Variants in PRKCA observed in about 807,000 individuals in gnomAD.
The protein encoded by PRKCA is protein kinase C alpha.
A neutral mutation model predicts 87.0 loss-of-function variants in PRKCA; 27 were observed. That is an observed-to-expected ratio of 0.31 (90% confidence interval 0.23 to 0.43). The LOEUF is 0.43. Among genes scored for constraint, PRKCA ranks in the 20% least tolerant of loss-of-function variants. The pLI, the probability that PRKCA is intolerant of heterozygous loss-of-function variation, is 1.00. For synonymous variants in PRKCA, 329 were observed against 311.1 expected (o/e 1.06, Z -0.61); for missense variants, 518 against 852.3 (o/e 0.61, Z 4.88).
chr17:66,372,720 C>T (rs1166055886), intron 2 of PRKCA, among the ~76,000 whole-genome samples: 4 of 152,240 alleles, frequency 2.6e-5, no homozygotes, highest in Admixed American at 2.6e-4. Context: ...TCAGTATGCT[C>T]ATTGCAGTGC....
intron 2 of PRKCA, among the ~76,000 whole-genome samples, chr17:66,445,313 C>T (rs76063966): frequency 0.022 from 3,399 of 152,298 alleles, 49 homozygotes; most frequent in South Asian, 0.054. Context: ...GAGCTCTGTC[C>T]CACTCCAAAT....
intron 8 of PRKCA, chr17:66,703,585 A>G (rs905780861): frequency 6.6e-6 from 1 of 152,220 alleles, no homozygotes; most frequent in Non-Finnish European, 1.5e-5. Flanking sequence ...ACCTGAGGTT[A>G]GGAGTTCAAG....
At chr17:66,385,947 A>G (rs992811029) in intron 2 of PRKCA, among the ~76,000 whole-genome samples, 5 of 151,822 alleles carry the variant, frequency 3.3e-5, no homozygotes, top group Admixed American at 3.3e-4. Context: ...TTTAGTAGAG[A>G]TGGGGTTTTG....
chr17:66,306,216 C>T (rs1567763577), intron 2 of PRKCA, 89 bp downstream of exon 2: 1 of 1,353,466 alleles, frequency 7.4e-7, no homozygotes, highest in East Asian at 2.4e-5. Flanking sequence ...ATTTTCTTTC[C>T]AATAAAAAAA....
chr17:66,610,893 G>A (rs1970343011), intron 3 of PRKCA, among the ~76,000 whole-genome samples: 1 of 152,144 alleles, frequency 6.6e-6, no homozygotes, highest in Middle Eastern at 3.2e-3. Flanking sequence ...ATGTCAGGGT[G>A]CAGCAAGAGC....
intron 16 of PRKCA, among the ~76,000 whole-genome samples, chr17:66,796,254 G>T (rs1000206382): frequency 6.6e-6 from 1 of 152,152 alleles, no homozygotes; most frequent in African/African-American, 2.4e-5. Context: ...ATGTATAAAC[G>T]TATACACAGA....
intron 5 of PRKCA, chr17:66,676,867 C>T: frequency 6.6e-6 from 1 of 152,284 alleles, no homozygotes; most frequent in Non-Finnish European, 1.5e-5. Flanking sequence ...CTCCCCCGAC[C>T]CCCAGCCCAG....
At chr17:66,470,190 C>CTT (rs546468555) in intron 2 of PRKCA, among the ~76,000 whole-genome samples, 1 of 101,472 alleles carries the variant, frequency 9.9e-6, no homozygotes, top group African/African-American at 4.0e-5. Flanking sequence ...AACCAGTTTG[C>CTT]TTTTTTTTTT....
chr17:66,372,031 A>G (rs1909142610), intron 2 of PRKCA, among the ~76,000 whole-genome samples: 1 of 152,194 alleles, frequency 6.6e-6, no homozygotes, highest in Non-Finnish European at 1.5e-5. Flanking sequence ...AACTTCAGGG[A>G]TGGGGGTTGC....
At chr17:66,712,712 T>G (rs974913300) in intron 8 of PRKCA, among the ~76,000 whole-genome samples, 4 of 152,158 alleles carry the variant, frequency 2.6e-5, no homozygotes, top group African/African-American at 4.8e-5. Flanking sequence ...CCACACTGCC[T>G]GGGTTCAAGG....
At chr17:66,697,253 C>T (rs933569765) in intron 8 of PRKCA, among the ~76,000 whole-genome samples, 23 of 152,240 alleles carry the variant, frequency 1.5e-4, no homozygotes, top group African/African-American at 5.3e-4. Context: ...TAGAGCCACA[C>T]TATCCCAATA....
chr17:66,328,112 G>A (rs887553952), intron 2 of PRKCA, among the ~76,000 whole-genome samples: 2 of 152,174 alleles, frequency 1.3e-5, no homozygotes, highest in Non-Finnish European at 2.9e-5. Flanking sequence ...AGTGGTGATT[G>A]TAGCTCACTG....
intron 5 of PRKCA, among the ~76,000 whole-genome samples, chr17:66,660,607 C>T (rs992375559): frequency 3.9e-5 from 6 of 152,000 alleles, no homozygotes; most frequent in Non-Finnish European, 8.8e-5. Flanking sequence ...AGGATAAAAC[C>T]GGCCGGGCGC....
chr17:66,302,900 GC>G lies in PRKCA; in HGVS notation c.51del (p.Asn18ThrfsTer9). ...GNDSTASQDVANRFARKGALR... is the reference protein window; with the variant it reads ...GNDSTASQDVXNRFARKGALR... Reference sequence around the variant, plus strand: ...CGACTCCACGGCGTCTCAGGACGTGGCCAACCGCTTCGCCCGCAAAGGGGCG... The same window carrying G: ...CGACTCCACGGCGTCTCAGGACGTGGCAACCGCTTCGCCCGCAAAGGGGCG... On this transcript the variant is annotated frameshift_variant, in exon 1 of 17. Transcript: ENST00000413366. LOFTEE classifies it high-confidence loss of function. 1.2e-6 allele frequency: 2 copies of G among 1,612,230 alleles called. No homozygotes were observed. The highest frequency in any genetic ancestry group is 1.7e-6 in the Non-Finnish European group (2 of 1,179,090).
intron 3 of PRKCA, among the ~76,000 whole-genome samples, chr17:66,522,709 G>A (rs1301755687): frequency 6.6e-6 from 1 of 151,910 alleles, no homozygotes; most frequent in Non-Finnish European, 1.5e-5. Context: ...GTGCATAGCA[G>A]TGAAAACCAT....
At chr17:66,549,950 C>G (rs1968275229) in intron 3 of PRKCA, among the ~76,000 whole-genome samples, 1 of 152,316 alleles carries the variant, frequency 6.6e-6, no homozygotes, top group Middle Eastern at 3.4e-3. Flanking sequence ...TCACACACCA[C>G]TACCTCCTCC....
intron 2 of PRKCA, among the ~76,000 whole-genome samples, chr17:66,316,612 C>A (rs554933393): frequency 6.6e-6 from 1 of 152,066 alleles, no homozygotes; most frequent in African/African-American, 2.4e-5. Flanking sequence ...TCCAGTGTGG[C>A]CCAGGGAAGC....
chr17:66,804,909 A>G lies in PRKCA; in HGVS notation c.*872A>G. The stretch of plus-strand genomic sequence containing the variant: ...CTACTCACCAGTGTTGTTCACCAAC[A>G]CCCACCCCCACACACACCAACATTT... On this transcript the variant is annotated 3_prime_UTR_variant, in exon 17 of 17. Coordinates refer to ENST00000413366, the MANE Select transcript of PRKCA (RefSeq NM_002737.3). 1.2e-6 allele frequency: 1 copy of G among 817,724 alleles called. No individual in the cohort carries two copies. The highest frequency in any genetic ancestry group is 5.6e-5 in the South Asian group (1 of 17,896). The allele number at this position is 817,724 out of a possible 1,614,324, so 50.7% of individuals were successfully genotyped here. A position where few individuals can be genotyped will look rare whatever the true frequency, so the allele number is the denominator to read the frequency against.
chr17:66,411,355 C>T (rs1006149373), intron 2 of PRKCA, among the ~76,000 whole-genome samples: 10 of 151,834 alleles, frequency 6.6e-5, no homozygotes, highest in Non-Finnish European at 4.4e-5. Flanking sequence ...AGCCACTGCG[C>T]GCAGCCATGC....
Sources: gnomAD v4.1 joint callset for allele counts (sites outside exome capture counted in the v4.1 genomes callset) on GRCh38, gnomAD v4.1.1 for gene constraint, MANE v1.5 for transcripts, NCBI Gene and HGNC (gene_info 2026-07-23, HGNC 2026-07-21) for gene names.